CHMP3: variants seen among roughly 807,000 people sequenced by gnomAD.
CHMP3 encodes the protein charged multivesicular body protein 3.
In CHMP3, 8 loss-of-function variants were observed where a neutral mutation model predicts 27.4. That is an observed-to-expected ratio of 0.29 (90% confidence interval 0.17 to 0.53). The LOEUF is 0.53. CHMP3 is among the 20% of genes least tolerant of loss of function. CHMP3 has a pLI of 0.96. For missense variants in CHMP3, 208 were observed against 271.5 expected (o/e 0.77, Z 1.64); for synonymous variants, 86 against 85.5 (o/e 1.01, Z -0.03).
At chr2:86,513,971 G>A (rs1298602627) in intron 3 of CHMP3, among the ~76,000 whole-genome samples, 2 of 152,192 alleles carry the variant, frequency 1.3e-5, no homozygotes, top group Non-Finnish European at 2.9e-5. Flanking sequence ...TTCCTTATTC[G>A]TGAAGATTGA....
intron 1 of CHMP3, among the ~76,000 whole-genome samples, chr2:86,556,822 C>G (rs544805705): frequency 6.6e-6 from 1 of 152,144 alleles, no homozygotes; most frequent in Non-Finnish European, 1.5e-5. Context: ...GTCCCCTAGC[C>G]CGCTTTTTCA....
At chr2:86,510,541 A>AT in intron 3 of CHMP3, 62 bp from the exon 4 acceptor site, 1 of 1,580,014 alleles carries the variant, frequency 6.3e-7, no homozygotes, top group South Asian at 1.1e-5. Flanking sequence ...AGACAGCCAA[A>AT]TTATGAGCCA....
chr2:86,531,118 A>C (rs1427714930), intron 2 of CHMP3, among the ~76,000 whole-genome samples: 2 of 152,008 alleles, frequency 1.3e-5, no homozygotes, highest in African/African-American at 4.8e-5. Flanking sequence ...CTCCCATTCT[A>C]TGAGTTGCCT....
At chr2:86,529,988 C>T (rs1675851906) in intron 2 of CHMP3, among the ~76,000 whole-genome samples, 2 of 151,884 alleles carry the variant, frequency 1.3e-5, no homozygotes, top group Middle Eastern at 3.2e-3. Flanking sequence ...CCAGACACCC[C>T]GAACTCTTTT....
chr2:86,533,456 A>G (rs751879160), intron 2 of CHMP3, among the ~76,000 whole-genome samples: 3 of 149,164 alleles, frequency 2.0e-5, no homozygotes, highest in Non-Finnish European at 4.5e-5. Context: ...ATTTGGGTTG[A>G]CTTTGTTCTT....
intron 1 of CHMP3, among the ~76,000 whole-genome samples, chr2:86,553,219 C>T (rs945724819): frequency 8.1e-5 from 12 of 148,850 alleles, no homozygotes; most frequent in African/African-American, 2.5e-4. Flanking sequence ...AAAAAAAAAG[C>T]GATAACCACA....
chr2:86,543,306 GCAA>G (rs943909039), intron 1 of CHMP3, among the ~76,000 whole-genome samples: 7 of 152,178 alleles, frequency 4.6e-5, no homozygotes, highest in Admixed American at 1.3e-4. Flanking sequence ...TATTTATTAT[GCAA>G]CAACAATTGT....
intron 2 of CHMP3, among the ~76,000 whole-genome samples, chr2:86,537,903 G>T (rs1676212745): frequency 6.6e-6 from 1 of 152,142 alleles, no homozygotes; most frequent in African/African-American, 2.4e-5. Flanking sequence ...ATCCAGTAAT[G>T]CTACTTTTGT....
At chr2:86,546,467 C>T (rs1479547729) in intron 1 of CHMP3, among the ~76,000 whole-genome samples, 76 of 144,324 alleles carry the variant, frequency 5.3e-4, no homozygotes, top group African/African-American at 1.8e-3. Flanking sequence ...GACGGACTTT[C>T]GCTCTTGTTG....
At chr2:86,516,211 C>T (rs1454785734) in intron 3 of CHMP3, among the ~76,000 whole-genome samples, 10 of 149,800 alleles carry the variant, frequency 6.7e-5, no homozygotes. Context: ...GAAATAGAAG[C>T]TCATTCTCCC....
At chr2:86,563,231 G>A (rs1677462029) in intron 1 of CHMP3, 73 bp downstream of exon 1, 7 of 1,561,368 alleles carry the variant, frequency 4.5e-6, no homozygotes, top group Middle Eastern at 1.7e-4. Flanking sequence ...GGAGAAGAGT[G>A]TCCTGTCATT....
intron 5 of CHMP3, 108 bp downstream of exon 5, chr2:86,507,371 A>C (rs902382669): frequency 1.1e-5 from 10 of 885,196 alleles, no homozygotes; most frequent in Non-Finnish European, 1.8e-5. Flanking sequence ...AAACGTTAAA[A>C]ATGTAGAAGG....
At chr2:86,516,656 C>CTGGTATA (rs764797799) in intron 3 of CHMP3, among the ~76,000 whole-genome samples, 6 of 152,154 alleles carry the variant, frequency 3.9e-5, no homozygotes, top group Non-Finnish European at 5.9e-5. Flanking sequence ...GTTAAATAAA[C>CTGGTATA]TGGTATATCC....
intron 1 of CHMP3, among the ~76,000 whole-genome samples, chr2:86,545,713 C>T (rs1676559691): frequency 1.3e-5 from 2 of 150,300 alleles, no homozygotes; most frequent in South Asian, 4.2e-4. Context: ...GGCAGAGGTG[C>T]TCCTCACATC....
intron 2 of CHMP3, among the ~76,000 whole-genome samples, chr2:86,541,818 A>G (rs957031602): frequency 3.9e-5 from 6 of 152,222 alleles, no homozygotes; most frequent in Non-Finnish European, 8.8e-5. Flanking sequence ...CAATCATGAA[A>G]GTGTTAAAAA....
intron 1 of CHMP3, among the ~76,000 whole-genome samples, chr2:86,544,260 A>G (rs961603366): frequency 1.3e-5 from 2 of 151,624 alleles, no homozygotes; most frequent in Non-Finnish European, 2.9e-5. Context: ...CATCTCACCA[A>G]TACCTGTTAT....
chr2:86,544,987 A>G (rs12622881), intron 1 of CHMP3, among the ~76,000 whole-genome samples: 18,636 of 67,276 alleles, frequency 0.28, 3,265 homozygotes, highest in East Asian at 0.59. Context: ...CTCACCTCCC[A>G]GACGAAGGGC....
intron 2 of CHMP3, among the ~76,000 whole-genome samples, chr2:86,531,821 A>G (rs1386638872): frequency 2.0e-5 from 3 of 152,146 alleles, no homozygotes; most frequent in Non-Finnish European, 4.4e-5. Flanking sequence ...ATTCGTTTAT[A>G]TGTCTTTATG....
chr2:86,506,121 A>C (rs1449917359), intron 5 of CHMP3, among the ~76,000 whole-genome samples, 172 bp from the exon 6 acceptor site: 1 of 152,230 alleles, frequency 6.6e-6, no homozygotes, highest in Admixed American at 6.5e-5. Flanking sequence ...AGCTACCTGT[A>C]ATGATACCAA....
Sources: gnomAD v4.1 joint callset for allele counts (sites outside exome capture counted in the v4.1 genomes callset) on GRCh38, gnomAD v4.1.1 for gene constraint, MANE v1.5 for transcripts, NCBI Gene and HGNC (gene_info 2026-07-23, HGNC 2026-07-21) for gene names.